DLGAP2: variants seen among roughly 807,000 people sequenced by gnomAD.
The protein encoded by DLGAP2 is disks large-associated protein 2.
Under a neutral mutation model 100.3 loss-of-function variants are expected in DLGAP2, and 26 were observed. The observed-to-expected ratio is 0.26, with a 90% CI of 0.19 to 0.36. The LOEUF (loss-of-function observed/expected upper bound fraction) is 0.36. Ranked by LOEUF, DLGAP2 falls within the 10% of genes least tolerant of loss-of-function variation. The pLI, the probability that DLGAP2 is intolerant of heterozygous loss-of-function variation, is 1.00. For synonymous variants in DLGAP2, 886 were observed against 630.1 expected (o/e 1.41, Z -6.08); for missense variants, 1,858 against 1,453.2 (o/e 1.28, Z -4.53).
intron 2 of DLGAP2, among the ~76,000 whole-genome samples, chr8:1,023,877 G>GTGTGTGTGTGTC (rs1286344351): frequency 2.6e-5 from 4 of 151,090 alleles, no homozygotes; most frequent in African/African-American, 9.7e-5. Context: ...GTGTGTGTGT[G>GTGTGTGTGTGTC]TGTGTGTGTG....
chr8:1,013,708 AT>A (rs1801373148), intron 2 of DLGAP2, among the ~76,000 whole-genome samples: 1 of 45,816 alleles, frequency 2.2e-5, no homozygotes, highest in Non-Finnish European at 3.5e-5. Context: ...CATTGTGTGT[AT>A]GACCAGGACA....
At chr8:1,120,164 G>C (rs1348293288) in intron 2 of DLGAP2, among the ~76,000 whole-genome samples, 2 of 152,120 alleles carry the variant, frequency 1.3e-5, no homozygotes, top group African/African-American at 4.8e-5. Context: ...TGAGAGTTAG[G>C]CTAAGGGTTC....
At chr8:1,346,876 A>C (rs1432388459) in intron 3 of DLGAP2, among the ~76,000 whole-genome samples, 5 of 151,666 alleles carry the variant, frequency 3.3e-5, no homozygotes, top group Admixed American at 2.0e-4. Flanking sequence ...GTTCCCATAC[A>C]GAGCTGCGTT....
chr8:1,572,332 T>TG (rs1802752798), intron 6 of DLGAP2, among the ~76,000 whole-genome samples: 1 of 72,112 alleles, frequency 1.4e-5, no homozygotes, highest in African/African-American at 5.6e-5. Flanking sequence ...GAGTGAACTG[T>TG]GGGGGCGTCT....
chr8:1,364,274 G>A (rs1040495395), intron 3 of DLGAP2, among the ~76,000 whole-genome samples: 15 of 152,216 alleles, frequency 9.9e-5, no homozygotes, highest in African/African-American at 3.4e-4. Flanking sequence ...GCTGCCCCCA[G>A]AGGAGGGGTG....
intron 1 of DLGAP2, among the ~76,000 whole-genome samples, chr8:901,615 C>CAG (rs1798252854): frequency 6.6e-6 from 1 of 152,106 alleles, no homozygotes; most frequent in Non-Finnish European, 1.5e-5. Context: ...CAGAGGAGAG[C>CAG]AGTATGTAAG....
At chr8:1,548,144 C>T (rs941331102) in intron 4 of DLGAP2, among the ~76,000 whole-genome samples, 1 of 152,132 alleles carries the variant, frequency 6.6e-6, no homozygotes, top group South Asian at 2.1e-4. Context: ...TTCCTCTCCA[C>T]TCCTCACACT....
chr8:1,025,966 G>T (rs1801786359), intron 2 of DLGAP2, among the ~76,000 whole-genome samples: 1 of 152,228 alleles, frequency 6.6e-6, no homozygotes, highest in Non-Finnish European at 1.5e-5. Flanking sequence ...GCACATCTGG[G>T]CTCCAGCAGC....
At chr8:1,287,500 C>T (rs1297238998) in intron 3 of DLGAP2, among the ~76,000 whole-genome samples, 7 of 38,756 alleles carry the variant, frequency 1.8e-4, no homozygotes, top group South Asian at 2.8e-3. Context: ...GTGTGTGGTT[C>T]TGTTAGGAGG....
chr8:1,230,939 C>T (rs1231167578), intron 2 of DLGAP2, among the ~76,000 whole-genome samples: 1 of 152,172 alleles, frequency 6.6e-6, no homozygotes, highest in Non-Finnish European at 1.5e-5. Flanking sequence ...TTCTGGACAT[C>T]AGCCTTGGGA....
intron 1 of DLGAP2, among the ~76,000 whole-genome samples, chr8:741,458 A>AT (rs1004046349): frequency 6.6e-6 from 1 of 152,156 alleles, no homozygotes; most frequent in African/African-American, 2.4e-5. Flanking sequence ...GGGCCTTGAC[A>AT]TGCAGTCCCT....
intron 3 of DLGAP2, among the ~76,000 whole-genome samples, chr8:1,362,738 C>G (rs1222262763): frequency 6.6e-6 from 1 of 152,236 alleles, no homozygotes; most frequent in East Asian, 1.9e-4. Context: ...GAGCCAAAGC[C>G]TTAGTGTCAA....
Position 1,701,027 on chromosome 8 carries a change from T to TG in DLGAP2, c.2950-158dup, listed in dbSNP as rs1403330851. On this transcript the variant is annotated intron_variant, in intron 14 of 14. Coordinates refer to ENST00000637795, the MANE Select transcript of DLGAP2 (RefSeq NM_001346810.2). ...CTGTGCAGAAGGCAGGCCTGTGGCCTGGGAGCCGGGGACCAGGGCAGACGG... is the reference window on the plus strand; with the variant it reads ...CTGTGCAGAAGGCAGGCCTGTGGCCTGGGGAGCCGGGGACCAGGGCAGACGG... 2.6e-5 allele frequency among the ~76,000 whole-genome samples: 4 copies of TG among 152,250 alleles called. No homozygotes were observed. In the East Asian group the frequency reaches 5.8e-4, roughly 22 times the overall value.
intron 4 of DLGAP2, among the ~76,000 whole-genome samples, chr8:1,547,427 G>A (rs903458977): frequency 3.9e-5 from 6 of 152,076 alleles, no homozygotes; most frequent in African/African-American, 1.5e-4. Flanking sequence ...GGGAGAGGGA[G>A]AGAGAGGAGG....
chr8:1,192,989 A>G (rs1037289650), intron 2 of DLGAP2, among the ~76,000 whole-genome samples: 5 of 152,242 alleles, frequency 3.3e-5, no homozygotes, highest in African/African-American at 1.2e-4. Flanking sequence ...ATGTCCTTAC[A>G]AAGGACATGA....
chr8:1,701,414 G>C lies in DLGAP2; in HGVS notation c.*8G>C. ...GCCCAGACCCGGCTCTGAGGGCGGA[G>C]GCCGGCGCCTTCCCCTCGTCGCTTC... On this transcript the variant is annotated 3_prime_UTR_variant, in exon 15 of 15. Coordinates refer to ENST00000637795, the MANE Select transcript of DLGAP2 (RefSeq NM_001346810.2). The C allele has an allele frequency of 4.4e-6, 7 of 1,576,354 alleles. No homozygotes were observed. The highest frequency in any genetic ancestry group is 3.4e-6 in the Non-Finnish European group (4 of 1,162,344).
At chr8:961,081 G>T (rs566311561) in intron 2 of DLGAP2, among the ~76,000 whole-genome samples, 11 of 148,696 alleles carry the variant, frequency 7.4e-5, no homozygotes, top group African/African-American at 2.7e-4. Flanking sequence ...TGTTGCCTGT[G>T]AACGATACTT....
At chr8:1,188,983 A>G (rs2116723625) in intron 2 of DLGAP2, among the ~76,000 whole-genome samples, 1 of 150,330 alleles carries the variant, frequency 6.7e-6, no homozygotes, top group East Asian at 1.9e-4. Flanking sequence ...TTCGGGCCCC[A>G]GGCCGGTTCC....
At chr8:1,318,870 T>C (rs1185640677) in intron 3 of DLGAP2, among the ~76,000 whole-genome samples, 1 of 141,118 alleles carries the variant, frequency 7.1e-6, no homozygotes, top group Non-Finnish European at 1.5e-5. Flanking sequence ...GAGTTAATGA[T>C]GTCCTTTCAC....
Sources: gnomAD v4.1 joint callset for allele counts (sites outside exome capture counted in the v4.1 genomes callset) on GRCh38, gnomAD v4.1.1 for gene constraint, MANE v1.5 for transcripts, NCBI Gene and HGNC (gene_info 2026-07-23, HGNC 2026-07-21) for gene names.